ZCWPW1: variants seen among roughly 807,000 people sequenced by gnomAD.
The protein encoded by ZCWPW1 is zinc finger CW-type and PWWP domain containing 1.
ZCWPW1 carries 56 observed loss-of-function variants against 81.3 expected under a neutral mutation model. The ratio of observed to expected loss-of-function variants is 0.69; its 90% confidence interval spans 0.56 to 0.86. The LOEUF (loss-of-function observed/expected upper bound fraction) is 0.86. ZCWPW1 is among the 40% of genes least tolerant of loss of function. The pLI, the probability that ZCWPW1 is intolerant of heterozygous loss-of-function variation, is 0.00. For synonymous variants in ZCWPW1, 250 were observed against 273.7 expected (o/e 0.91, Z 0.86); for missense variants, 650 against 769.8 (o/e 0.84, Z 1.84).
chr7:100,406,861 A>T (rs911215576), intron 11 of ZCWPW1, 63 bp from the exon 12 acceptor site: 1 of 1,460,032 alleles, frequency 6.8e-7, no homozygotes, highest in Non-Finnish European at 9.5e-7. Flanking sequence ...TCCTCTAGCC[A>T]GAACAGATCG....
chr7:100,426,814 TCTC>T (rs1363803025), intron 1 of ZCWPW1, among the ~76,000 whole-genome samples: 74 of 77,460 alleles, frequency 9.6e-4, no homozygotes, highest in African/African-American at 3.4e-3. Context: ...CTCCTCCCCC[TCTC>T]CTTTCTCCCC....
chr7:100,421,726 CTT>C (rs534098371), intron 2 of ZCWPW1, among the ~76,000 whole-genome samples: 123 of 152,022 alleles, frequency 8.1e-4, no homozygotes, highest in African/African-American at 2.8e-3. Flanking sequence ...GAATTTTGCT[CTT>C]GTTGCCCAGG....
intron 13 of ZCWPW1, 110 bp from the exon 14 acceptor site, chr7:100,404,354 C>A: frequency 2.1e-6 from 2 of 965,504 alleles, no homozygotes; most frequent in South Asian, 1.4e-5. Context: ...TTTTCCATAC[C>A]AAAATTATCA....
intron 15 of ZCWPW1, 120 bp from the exon 16 acceptor site, chr7:100,402,696 C>A: frequency 1.0e-6 from 1 of 991,540 alleles, no homozygotes; most frequent in Non-Finnish European, 1.6e-6. Flanking sequence ...CTTCTGTGAG[C>A]CTGATATTGT....
At chr7:100,410,340 C>A (rs143930752) in intron 8 of ZCWPW1, among the ~76,000 whole-genome samples, 3 of 152,260 alleles carry the variant, frequency 2.0e-5, no homozygotes, top group Admixed American at 2.0e-4. Context: ...AATGACACTG[C>A]CCCACCTAAA....
At chr7:100,423,185 T>G (rs923541703) in intron 2 of ZCWPW1, among the ~76,000 whole-genome samples, 1 of 152,202 alleles carries the variant, frequency 6.6e-6, no homozygotes, top group African/African-American at 2.4e-5. Flanking sequence ...TGTTAATATA[T>G]TGTTGAGCTT....
At chr7:100,415,532 G>A (rs1333541462) in intron 8 of ZCWPW1, among the ~76,000 whole-genome samples, 1 of 152,026 alleles carries the variant, frequency 6.6e-6, no homozygotes, top group Non-Finnish European at 1.5e-5. Flanking sequence ...CTTCCTAATT[G>A]TGATGTCCTT....
chr7:100,419,173 G>GT lies in ZCWPW1; in HGVS notation c.298dup (p.Thr100AsnfsTer6), dbSNP rs1043869120. ...GACAATCTCCTCAAATTCTGCATTG[G>GT]TAAGACTTGATTTTTCCTGCAGAGA... On this transcript the variant is annotated frameshift_variant, in exon 5 of 18. Coordinates refer to ENST00000684423, the MANE Select transcript of ZCWPW1 (RefSeq NM_001386010.1). LOFTEE classifies it high-confidence loss of function. 1 of 1,612,756 alleles carries GT rather than the reference G, an allele frequency of 6.2e-7. No homozygotes were observed. Among genetic ancestry groups the GT allele is most frequent in the African/African-American group, 1.3e-5 (1 of 74,844 alleles).
Position 100,400,977 on chromosome 7 carries a change from A to G in ZCWPW1, c.*37T>C, listed in dbSNP as rs1791749741. On this transcript the variant is annotated 3_prime_UTR_variant, in exon 18 of 18. Transcript: ENST00000684423. ...TAGCAACTTCTCCCTCCTGCGCCCC[A>G]GAGAAGGGAGAAAAAGAGGGAGCAG... 1 of 1,556,408 alleles carries G rather than the reference A, an allele frequency of 6.4e-7. No individual in the cohort carries two copies. Among genetic ancestry groups the G allele is most frequent in the African/African-American group, 1.4e-5 (1 of 73,428 alleles).
Position 100,415,239 on chromosome 7 carries a change from T to C in ZCWPW1, c.754+736A>G, listed in dbSNP as rs536611788. On this transcript the variant is annotated intron_variant, in intron 8 of 17. Coordinates refer to ENST00000684423, the MANE Select transcript of ZCWPW1 (RefSeq NM_001386010.1). Reference sequence around the variant, plus strand: ...CTGAGACTACAGGCGCATGCCACCATACCCAGCTAATTTTTGTATTTTCAG... The same window carrying C: ...CTGAGACTACAGGCGCATGCCACCACACCCAGCTAATTTTTGTATTTTCAG... 2.6e-5 allele frequency among the ~76,000 whole-genome samples: 4 copies of C among 151,672 alleles called. 1 individual carries two copies. Among genetic ancestry groups the C allele is most frequent in the Admixed American group, 2.6e-4 (4 of 15,282 alleles).
chr7:100,426,446 C>T (rs1381489415), intron 1 of ZCWPW1, among the ~76,000 whole-genome samples: 2 of 146,044 alleles, frequency 1.4e-5, no homozygotes, highest in Non-Finnish European at 1.5e-5. Context: ...GAGCCAAGAC[C>T]GTGCTACTGC....
At position 100,401,227 on chromosome 7, in the gene ZCWPW1, C is replaced by CT; in HGVS notation, c.1736dup (p.Ala581GlyfsTer26). On this transcript the variant is annotated frameshift_variant, in exon 18 of 18. Coordinates refer to ENST00000684423, the MANE Select transcript of ZCWPW1 (RefSeq NM_001386010.1). LOFTEE classifies it low-confidence loss of function (END_TRUNC). ...CTTTCGCAGATGAGGGGCAGGCCCCCTTACACGCTGATAGGCCCAGGTTCT... is the reference window on the plus strand; with the variant it reads ...CTTTCGCAGATGAGGGGCAGGCCCCCTTTACACGCTGATAGGCCCAGGTTCT... 1 of 1,614,222 alleles carries CT rather than the reference C, an allele frequency of 6.2e-7. No homozygotes were observed. The highest frequency in any genetic ancestry group is 2.2e-5 in the East Asian group (1 of 44,880).
chr7:100,424,730 G>C (rs959575995), intron 2 of ZCWPW1, among the ~76,000 whole-genome samples: 2 of 152,136 alleles, frequency 1.3e-5, no homozygotes, highest in Admixed American at 1.3e-4. Context: ...AAAGTGCTGG[G>C]ATTACAGGCA....
chr7:100,424,919 C>T (rs1797033454), intron 2 of ZCWPW1, 111 bp downstream of exon 2: 1 of 152,070 alleles, frequency 6.6e-6, no homozygotes, highest in Admixed American at 6.6e-5. Context: ...TTGTGGTTCA[C>T]TGTTGTTGAG....
At chr7:100,415,688 CT>C (rs1290621322) in intron 8 of ZCWPW1, among the ~76,000 whole-genome samples, 1 of 152,222 alleles carries the variant, frequency 6.6e-6, no homozygotes, top group South Asian at 2.1e-4. Flanking sequence ...CTTCTATTAC[CT>C]TTTTTACCAC....
At chr7:100,411,201 C>T (rs1794085621) in intron 8 of ZCWPW1, among the ~76,000 whole-genome samples, 2 of 152,188 alleles carry the variant, frequency 1.3e-5, no homozygotes, top group African/African-American at 4.8e-5. Flanking sequence ...CAGAATCATC[C>T]CTCAGAAAAG....
At chr7:100,412,017 C>G (rs569522342) in intron 8 of ZCWPW1, among the ~76,000 whole-genome samples, 2 of 152,268 alleles carry the variant, frequency 1.3e-5, no homozygotes, top group South Asian at 4.1e-4. Context: ...ACACTAGTTT[C>G]CTGGGTTCTG....
Position 100,408,664 on chromosome 7 carries a change from T to C in ZCWPW1, c.872-5A>G. 3.1e-6 allele frequency: 5 copies of C among 1,611,958 alleles called. No individual in the cohort carries two copies. Among genetic ancestry groups the C allele is most frequent in the Non-Finnish European group, 4.2e-6 (5 of 1,179,104 alleles). On this transcript the variant is annotated splice_polypyrimidine_tract_variant and splice_region_variant and intron_variant, in intron 9 of 17. Transcript: ENST00000684423. ...CACAGCGATTATACTGCACATCTGC[T>C]GAAAGAGAGAAGGAATGAAGGGACA...
chr7:100,426,127 G>C (rs1797274957), intron 1 of ZCWPW1, among the ~76,000 whole-genome samples: 1 of 151,988 alleles, frequency 6.6e-6, no homozygotes, highest in Non-Finnish European at 1.5e-5. Context: ...CAAATCCTTG[G>C]TCTAAGAGAA....
Sources: gnomAD v4.1 joint callset for allele counts (sites outside exome capture counted in the v4.1 genomes callset) on GRCh38, gnomAD v4.1.1 for gene constraint, MANE v1.5 for transcripts, NCBI Gene and HGNC (gene_info 2026-07-23, HGNC 2026-07-21) for gene names.